Variants in SRPX2 observed in about 807,000 individuals in gnomAD.
SRPX2 encodes the protein sushi repeat-containing protein SRPX2.
A neutral mutation model predicts 45.3 loss-of-function variants in SRPX2; 26 were observed. The ratio of observed to expected loss-of-function variants is 0.57; its 90% CI spans 0.42 to 0.80. The LOEUF is 0.80. Ranked by LOEUF, SRPX2 falls within the 30% of genes least tolerant of loss-of-function variation. The probability of loss-of-function intolerance (pLI) is 0.00; values close to 1 mark genes in which losing one functional copy is unlikely to be tolerated. For synonymous variants in SRPX2, 125 were observed against 143.7 expected, an observed-to-expected ratio of 0.87 and a Z score of 0.93; for missense variants, 355 against 399.8, an observed-to-expected ratio of 0.89 and a Z score of 0.95.
At chrX:100,647,706 C>T (rs772055441) in intron 2 of SRPX2, among the ~76,000 whole-genome samples, 4 of 112,823 alleles carry the variant, frequency 3.5e-5, no homozygotes, top group Non-Finnish European at 5.6e-5. Context: ...TCATGGCATG[C>T]AAAGGTCTTT....
intron 1 of SRPX2, 130 bp from the exon 2 acceptor site, chrX:100,646,063 C>T: frequency 5.4e-6 from 2 of 367,711 alleles, no homozygotes; most frequent in South Asian, 7.1e-5. Context: ...TTACATCCTC[C>T]TCCTCCTGGG....
Position 100,670,858 on chromosome X carries a change from G to A in SRPX2, c.1269G>A (p.Lys423=). 8.3e-7 allele frequency: 1 copy of A among 1,211,631 alleles called. No individual in the cohort carries two copies. Among genetic ancestry groups the A allele is most frequent in the Non-Finnish European group, 1.1e-6 (1 of 895,529 alleles). ...RSYFNMVLID[K]QGIDRDRYME... is the part of the protein sequence containing the mutation. ...ACTTCAACATGGTGTTGATTGACAAGCAGGGTATTGACCGAGACCGCTACA... is the reference window on the plus strand; with the variant it reads ...ACTTCAACATGGTGTTGATTGACAAACAGGGTATTGACCGAGACCGCTACA... Residue 423 remains lysine, a synonymous_variant, in exon 11 of 11, where the codon AAG becomes AAA. Coordinates refer to ENST00000373004, the MANE Select transcript of SRPX2 (RefSeq NM_014467.3).
In SRPX2 at chrX:100,662,258, C is replaced by G; in HGVS notation, c.246C>G (p.Ser82Arg). Residue 82 changes from serine (S) to arginine (R), a missense_variant, in exon 4 of 11, where the codon AGC (serine) becomes AGG (arginine). Transcript: ENST00000373004. The part of the protein sequence containing the change: ...YSPKGGNYHS[S>R]LGTRCELSCD... ...CGAAGGGAGGAAATTATCACAGCAGCCTGGGCACGCGTTGTGAGCTCTCCT... is the reference window on the plus strand; with the variant it reads ...CGAAGGGAGGAAATTATCACAGCAGGCTGGGCACGCGTTGTGAGCTCTCCT... 1.7e-6 allele frequency: 2 copies of G among 1,211,760 alleles called. No homozygotes were observed. Among genetic ancestry groups the G allele is most frequent in the Non-Finnish European group, 2.2e-6 (2 of 895,519 alleles).
In SRPX2 at chrX:100,675,290, G is replaced by A. The variant is rs760950494; in HGVS notation, c.*4303G>A. 3 of 112,365 alleles carry A rather than the reference G, an allele frequency of 2.7e-5. No individual in the cohort carries two copies. Among genetic ancestry groups the A allele is most frequent in the African/African-American group, 6.5e-5 (2 of 30,813 alleles). The allele number at this position is 112,365 out of a possible 1,213,427, so 9.3% of individuals were successfully genotyped here. A position where few individuals can be genotyped will look rare whatever the true frequency, so the allele number is the denominator to read the frequency against. On this transcript the variant is annotated 3_prime_UTR_variant, in exon 11 of 11. Transcript: ENST00000373004. ...CTAGAAGCTCTCACTGGGCATCCTC[G>A]TGATTTAGTCAAAATACATTATCTA...
chrX:100,665,155 C>T, intron 5 of SRPX2, 88 bp from the exon 6 acceptor site: 1 of 1,164,870 alleles, frequency 8.6e-7, no homozygotes. Flanking sequence ...TTTTTATCTA[C>T]CCAGTGGTGT....
intron 2 of SRPX2, among the ~76,000 whole-genome samples, chrX:100,647,951 A>G (rs1257609001): frequency 8.9e-6 from 1 of 112,081 alleles, no homozygotes; most frequent in Non-Finnish European, 1.9e-5. Flanking sequence ...GATGAGAGAC[A>G]TTTCCCCTAC....
In SRPX2 at chrX:100,673,950, T is replaced by C. The variant is rs1335800148; in HGVS notation, c.*2963T>C. 2 of 112,058 alleles carry C rather than the reference T, an allele frequency of 1.8e-5. No homozygotes were observed. The highest frequency in any genetic ancestry group is 3.8e-5 in the Non-Finnish European group (2 of 53,239). 9.2% of individuals were successfully genotyped at this position (112,058 alleles called of 1,213,427 possible). Reference sequence around the variant, plus strand: ...CATTTGATATATATTAATGCCCTTTTGCACAAGAGGTCAAGAATTGCTTGG... The same window carrying C: ...CATTTGATATATATTAATGCCCTTTCGCACAAGAGGTCAAGAATTGCTTGG... On this transcript the variant is annotated 3_prime_UTR_variant, in exon 11 of 11. Transcript: ENST00000373004.
rs1602714572 is a variant in SRPX2 at position 100,645,062 on chromosome X, T to C, written c.-131+547T>C. Among the ~76,000 whole-genome samples, 3 of 112,105 alleles carry C rather than the reference T, an allele frequency of 2.7e-5. No individual in the cohort carries two copies. The Admixed American group carries it at 2.8e-4, about 11-fold the overall frequency. On this transcript the variant is annotated intron_variant, in intron 1 of 10. Coordinates refer to ENST00000373004, the MANE Select transcript of SRPX2 (RefSeq NM_014467.3). Reference sequence around the variant, plus strand: ...GTTTACTCTCACTTTTTCTCCGTCCTGCTTCCCTGTCACTTTCTAGACAAA... The same window carrying C: ...GTTTACTCTCACTTTTTCTCCGTCCCGCTTCCCTGTCACTTTCTAGACAAA...
At position 100,672,776 on chromosome X, in the gene SRPX2, A is replaced by G. The variant is rs2083233186; in HGVS notation, c.*1789A>G. ...GGAGGAAAGAGGGAAATGGAAATGA[A>G]AGGGTCTCAACCTGAGAAAATTCAG... On this transcript the variant is annotated 3_prime_UTR_variant, in exon 11 of 11. Coordinates refer to ENST00000373004, the MANE Select transcript of SRPX2 (RefSeq NM_014467.3). 8.9e-6 allele frequency: 1 copy of G among 112,265 alleles called. No individual in the cohort carries two copies. Among genetic ancestry groups the G allele is most frequent in the Non-Finnish European group, 1.9e-5 (1 of 53,318 alleles). 9.3% of individuals were successfully genotyped at this position (112,265 alleles called of 1,213,427 possible).
At position 100,657,818 on chromosome X, in the gene SRPX2, G is replaced by GTTTTTGT. The variant is rs1343914261; in HGVS notation, c.164-4346_164-4340dup. 1.1e-4 allele frequency among the ~76,000 whole-genome samples: 12 copies of GTTTTTGT among 111,862 alleles called. No homozygotes were observed. The East Asian group carries it at 3.4e-3, about 31-fold the overall frequency. ...GTTCATGTCCTTTGCCCAATATTTT[G>GTTTTTGT]TTTTTGTTTTTTGTTTTTGTTTTGG... On this transcript the variant is annotated intron_variant, in intron 3 of 10. Transcript: ENST00000373004.
rs899719081 is a variant in SRPX2 at position 100,670,668 on chromosome X, G to T, written c.1218-139G>T. 5 of 650,092 alleles carry T rather than the reference G, an allele frequency of 7.7e-6. No individual in the cohort carries two copies. In the Admixed American group the frequency reaches 1.2e-4, roughly 16 times the overall value. The allele number at this position is 650,092 out of a possible 1,213,427, so 53.6% of individuals were successfully genotyped here. ...AAAACAAAGCGACTTGAGACAGGAAGTAGAGGGAATGGGGACCAGGGATGA... is the reference window on the plus strand; with the variant it reads ...AAAACAAAGCGACTTGAGACAGGAATTAGAGGGAATGGGGACCAGGGATGA... On this transcript the variant is annotated intron_variant, in intron 10 of 10. Coordinates refer to ENST00000373004, the MANE Select transcript of SRPX2 (RefSeq NM_014467.3).
rs183624634 is a variant in SRPX2, at chrX:100,664,421, A to G, written c.356-353A>G. Among the ~76,000 whole-genome samples, 170 of 111,536 alleles carry G rather than the reference A, an allele frequency of 1.5e-3. 1 individual carries two copies. Among genetic ancestry groups the G allele is most frequent in the Admixed American group, 0.011 (111 of 10,508 alleles). ...GGTACATTTTTTACAGTTGACGAAC[A>G]TAAATTAATACATCATTGTCACCTG... On this transcript the variant is annotated intron_variant, in intron 4 of 10. Transcript: ENST00000373004.
At chrX:100,652,198 T>C (rs773898304) in intron 3 of SRPX2, among the ~76,000 whole-genome samples, 1 of 111,828 alleles carries the variant, frequency 8.9e-6, no homozygotes, top group Non-Finnish European at 1.9e-5. Flanking sequence ...AGATGACTGA[T>C]GGTGGTGGCA....
intron 3 of SRPX2, among the ~76,000 whole-genome samples, chrX:100,654,476 C>T (rs1230689736): frequency 4.5e-5 from 5 of 111,781 alleles, no homozygotes; most frequent in East Asian, 5.6e-4. Flanking sequence ...ATGCTCAAAA[C>T]GAATGCTGGG....
rs755495242 is a variant in SRPX2 at position 100,664,917 on chromosome X, G to A, written c.499G>A (p.Gly167Arg). The A allele has an allele frequency of 5.0e-6, 6 of 1,209,456 alleles. No individual in the cohort carries two copies. The highest frequency in any genetic ancestry group is 1.1e-6 in the Non-Finnish European group (1 of 895,119). The change falls in exon 5 of 11, where the codon GGG becomes AGG. Residue 167 changes from glycine to arginine, a missense_variant. Transcript: ENST00000373004. ...GDRSRICMEDGRWSGGEPVCV... is the reference protein window; with the variant it reads ...GDRSRICMEDRRWSGGEPVCV... ...TCGCAGCCGAATCTGCATGGAAGAT[G>A]GGAGATGGAGTGGAGGCGAGCCTGT... is the stretch of plus-strand genomic sequence containing the variant.
chrX:100,658,931 A>G lies in SRPX2; in HGVS notation c.164-3245A>G, dbSNP rs1005676692. Among the ~76,000 whole-genome samples, 22 of 111,926 alleles carry G rather than the reference A, an allele frequency of 2.0e-4. No individual in the cohort carries two copies. In the Admixed American group the frequency reaches 2.0e-3, roughly 10 times the overall value. On this transcript the variant is annotated intron_variant, in intron 3 of 10. Transcript: ENST00000373004. ...AGTTTCCCATGGGCATTCTTTGGGT[A>G]CAGTTGCTCAGCCACTTATGAATTT...
intron 9 of SRPX2, among the ~76,000 whole-genome samples, chrX:100,668,343 GAAA>G (rs5903168): frequency 3.2e-3 from 231 of 73,060 alleles, no homozygotes; most frequent in Middle Eastern, 9.0e-3. Context: ...AAAAAAAAAA[GAAA>G]AAAAAAAAAA....
At chrX:100,651,929 G>T (rs2083154949) in intron 3 of SRPX2, among the ~76,000 whole-genome samples, 1 of 111,873 alleles carries the variant, frequency 8.9e-6, no homozygotes, top group Admixed American at 9.5e-5. Context: ...TGCATTAAAA[G>T]GGAAGTTAGG....
At chrX:100,651,242 T>C (rs2083152260) in intron 3 of SRPX2, 1 of 186,223 alleles carries the variant, frequency 5.4e-6, no homozygotes, top group Non-Finnish European at 9.8e-6. Context: ...TGTGAAGCTA[T>C]GTCATAGCAG....
Sources: allele counts gnomAD v4.1 joint callset (sites outside exome capture counted in the v4.1 genomes callset), GRCh38; gene constraint gnomAD v4.1.1; transcripts MANE v1.5; gene names NCBI Gene and HGNC (gene_info 2026-07-23, HGNC 2026-07-21).